PREX1: variants seen among roughly 807,000 people sequenced by gnomAD.
The protein encoded by PREX1 is phosphatidylinositol 3,4,5-trisphosphate-dependent Rac exchanger 1 protein.
In PREX1, 41 loss-of-function variants were observed where a neutral mutation model predicts 198.3. That is an observed-to-expected ratio of 0.21 (90% confidence interval 0.16 to 0.27). The LOEUF is 0.27. PREX1 is among the 10% of genes least tolerant of loss of function. The pLI is 1.00. For synonymous variants in PREX1, 843 were observed against 887.2 expected (o/e 0.95, Z 0.89); for missense variants, 1,620 against 2,200.7 (o/e 0.74, Z 5.28).
At chr20:48,671,836 G>A (rs562158927) in intron 14 of PREX1, among the ~76,000 whole-genome samples, 29 of 152,314 alleles carry the variant, frequency 1.9e-4, no homozygotes, top group South Asian at 1.5e-3. Context: ...ATCCTCCTGC[G>A]TCAGCTCCAG....
intron 14 of PREX1, among the ~76,000 whole-genome samples, chr20:48,668,306 G>A (rs556207435): frequency 3.4e-4 from 52 of 152,336 alleles, no homozygotes; most frequent in Non-Finnish European, 6.5e-4. Flanking sequence ...AGTCAGGCCC[G>A]TGGGGGCCAG....
the PREX1 span, among the ~76,000 whole-genome samples, chr20:48,847,101 T>A: frequency 6.6e-6 from 1 of 152,092 alleles, no homozygotes; most frequent in Non-Finnish European, 1.5e-5. Context: ...ACCCGGGGCC[T>A]GCTTTGGGGC....
At position 48,747,744 on chromosome 20, in the gene PREX1, C is replaced by T. The variant is rs375896915; in HGVS notation, c.291+65G>A. On this transcript the variant is annotated intron_variant, in intron 2 of 39. Transcript: ENST00000371941. ...GCATGCACACCCTCTGAGCATCGCA[C>T]GGGAAGAGCAAGGCACAAAGCAACA... 212 of 1,507,424 alleles carry T rather than the reference C, an allele frequency of 1.4e-4. 1 individual carries two copies. Among genetic ancestry groups the T allele is most frequent in the Middle Eastern group, 3.6e-4 (2 of 5,490 alleles). The allele number at this position is 1,507,424 out of a possible 1,614,324, so 93.4% of individuals were successfully genotyped here.
intron 1 of PREX1, among the ~76,000 whole-genome samples, chr20:48,807,567 A>C (rs1402689711): frequency 6.6e-6 from 1 of 152,116 alleles, no homozygotes; most frequent in Non-Finnish European, 1.5e-5. Flanking sequence ...TTACATCTTT[A>C]CCTACTTTTT....
At chr20:48,657,558 T>C (rs2089554833) in intron 17 of PREX1, among the ~76,000 whole-genome samples, 1 of 152,170 alleles carries the variant, frequency 6.6e-6, no homozygotes, top group South Asian at 2.1e-4. Context: ...CACAACTGCC[T>C]CCTTCCAACC....
intron 1 of PREX1, among the ~76,000 whole-genome samples, chr20:48,802,041 T>A (rs2090389607): frequency 6.6e-6 from 1 of 152,224 alleles, no homozygotes; most frequent in Non-Finnish European, 1.5e-5. Context: ...TGTGCAACTG[T>A]GAGCTAAATA....
At chr20:48,745,685 T>C (rs185470552) in intron 2 of PREX1, among the ~76,000 whole-genome samples, 84 of 152,342 alleles carry the variant, frequency 5.5e-4, no homozygotes, top group Middle Eastern at 3.4e-3. Flanking sequence ...ATATATGAGA[T>C]ACCCTGTTTC....
At chr20:48,754,789 G>A (rs1029857761) in intron 1 of PREX1, among the ~76,000 whole-genome samples, 36 of 152,116 alleles carry the variant, frequency 2.4e-4, no homozygotes, top group Middle Eastern at 3.4e-3. Context: ...TCTGGGTGGC[G>A]GGGAGTCGGA....
At chr20:48,706,531 A>G (rs561824361) in intron 6 of PREX1, among the ~76,000 whole-genome samples, 2 of 152,292 alleles carry the variant, frequency 1.3e-5, no homozygotes, top group African/African-American at 2.4e-5. Context: ...GGGCTTCTAG[A>G]AAAGGTTTTC....
intron 39 of PREX1, among the ~76,000 whole-genome samples, chr20:48,626,681 C>T (rs544177818): frequency 9.8e-5 from 15 of 152,352 alleles, no homozygotes; most frequent in Admixed American, 6.5e-4. Flanking sequence ...CGCCACAGCA[C>T]GCACAGTGAC....
chr20:48,648,747 C>T (rs1182754719), intron 25 of PREX1, among the ~76,000 whole-genome samples: 1 of 152,172 alleles, frequency 6.6e-6, no homozygotes, highest in Admixed American at 6.5e-5. Flanking sequence ...CCCCATCATT[C>T]GTTGATGATT....
chr20:48,857,515 C>T, the PREX1 span, among the ~76,000 whole-genome samples: 1 of 152,192 alleles, frequency 6.6e-6, no homozygotes, highest in South Asian at 2.1e-4. Context: ...CCACTGCACT[C>T]CAGCCTGGGA....
intron 1 of PREX1, among the ~76,000 whole-genome samples, chr20:48,820,874 A>G (rs2090481496): frequency 6.6e-6 from 1 of 152,228 alleles, no homozygotes. Context: ...GACCAACGCT[A>G]GGGCCAGAAA....
intron 1 of PREX1, among the ~76,000 whole-genome samples, chr20:48,772,599 G>A (rs1448350217): frequency 6.6e-6 from 1 of 152,232 alleles, no homozygotes; most frequent in Non-Finnish European, 1.5e-5. Flanking sequence ...AAGGAAGTCG[G>A]CAGCTCAGCG....
chr20:48,696,634 TACATACAC>T (rs1223460450), intron 7 of PREX1, among the ~76,000 whole-genome samples: 2 of 97,960 alleles, frequency 2.0e-5, no homozygotes, highest in East Asian at 3.1e-4. Flanking sequence ...CATACATACA[TACATACAC>T]ACATACACAC....
At chr20:48,696,977 T>TACACACACACACACAC (rs11467059) in intron 7 of PREX1, among the ~76,000 whole-genome samples, 78 of 148,706 alleles carry the variant, frequency 5.2e-4, no homozygotes, top group East Asian at 3.2e-3. Context: ...TAAATCTCTT[T>TACACACACACACACAC]ACACACACAC....
At chr20:48,685,254 G>T (rs182779049) in intron 10 of PREX1, among the ~76,000 whole-genome samples, 1 of 152,160 alleles carries the variant, frequency 6.6e-6, no homozygotes, top group African/African-American at 2.4e-5. Flanking sequence ...CTAATCTGAC[G>T]ATGCCAGAGG....
At chr20:48,758,284 G>A (rs572149805) in intron 1 of PREX1, among the ~76,000 whole-genome samples, 4 of 152,280 alleles carry the variant, frequency 2.6e-5, no homozygotes, top group South Asian at 4.1e-4. Context: ...CTAGTTTAAG[G>A]GCAGTGGGGG....
chr20:48,680,658 C>T (rs975139222), intron 11 of PREX1, among the ~76,000 whole-genome samples: 4 of 152,036 alleles, frequency 2.6e-5, no homozygotes, highest in African/African-American at 9.7e-5. Context: ...CTGGAACCAT[C>T]ATGCCCACCT....
Sources: gnomAD v4.1 joint callset for allele counts (sites outside exome capture counted in the v4.1 genomes callset) on GRCh38, gnomAD v4.1.1 for gene constraint, MANE v1.5 for transcripts, NCBI Gene and HGNC (gene_info 2026-07-23, HGNC 2026-07-21) for gene names.